Variants in GLT1D1 observed in about 807,000 individuals in gnomAD.
The protein encoded by GLT1D1 is glycosyltransferase 1 domain containing 1, also known as glycosyltransferase 1 domain-containing protein 1.
Under a neutral mutation model 28.7 loss-of-function variants are expected in GLT1D1, and 21 were observed. The observed-to-expected ratio is 0.73, with a 90% CI of 0.52 to 1.05. The LOEUF is 1.05. Among genes scored for constraint, GLT1D1 ranks in the 50% least tolerant of loss-of-function variants. GLT1D1 has a pLI of 0.00. For missense variants in GLT1D1, 343 were observed against 330.6 expected (o/e 1.04, Z -0.29); for synonymous variants, 147 against 124.8 (o/e 1.18, Z -1.19).
chr12:128,937,942 G>A (rs771906573), intron 4 of GLT1D1, among the ~76,000 whole-genome samples: 4 of 152,184 alleles, frequency 2.6e-5, no homozygotes, highest in Non-Finnish European at 4.4e-5. Context: ...TTAACAGTGC[G>A]AGAACAGACG....
chr12:128,908,356 C>A (rs535484809), intron 4 of GLT1D1, among the ~76,000 whole-genome samples: 1 of 43,696 alleles, frequency 2.3e-5, no homozygotes, highest in Admixed American at 3.5e-4. Flanking sequence ...CCCTTTCTTT[C>A]TTTCTTTTCT....
intron 5 of GLT1D1, among the ~76,000 whole-genome samples, chr12:128,946,820 T>C (rs1876165490): frequency 6.6e-6 from 1 of 151,700 alleles, no homozygotes; most frequent in Non-Finnish European, 1.5e-5. Context: ...GGCTAATATT[T>C]GTATTTTTAG....
intron 3 of GLT1D1, among the ~76,000 whole-genome samples, chr12:128,895,549 TG>T (rs986667807): frequency 2.0e-5 from 3 of 151,454 alleles, no homozygotes; most frequent in African/African-American, 7.3e-5. Context: ...CTCCGCCTCC[TG>T]GGTTCAAGCT....
At chr12:128,946,925 A>G (rs1038588570) in intron 5 of GLT1D1, among the ~76,000 whole-genome samples, 3 of 152,152 alleles carry the variant, frequency 2.0e-5, no homozygotes, top group Non-Finnish European at 4.4e-5. Flanking sequence ...CTGGGATTAC[A>G]GGTGTGAGCC....
At chr12:128,919,660 T>G (rs11608720) in intron 4 of GLT1D1, among the ~76,000 whole-genome samples, 9,319 of 152,336 alleles carry the variant, frequency 0.061, 330 homozygotes, top group Middle Eastern at 0.1. Flanking sequence ...TGTAATTTTT[T>G]CACACGATAT....
At chr12:128,928,343 A>G (rs1310385885) in intron 4 of GLT1D1, among the ~76,000 whole-genome samples, 1 of 152,070 alleles carries the variant, frequency 6.6e-6, no homozygotes, top group Non-Finnish European at 1.5e-5. Context: ...GGAGCCCCTG[A>G]GAGCCACTTG....
At chr12:128,942,598 A>G (rs1390153126) in intron 4 of GLT1D1, among the ~76,000 whole-genome samples, 1 of 152,096 alleles carries the variant, frequency 6.6e-6, no homozygotes, top group Non-Finnish European at 1.5e-5. Context: ...CCAAGTAAAG[A>G]GTAAATACGC....
chr12:128,930,693 G>T (rs1873766968), intron 4 of GLT1D1, among the ~76,000 whole-genome samples: 1 of 152,182 alleles, frequency 6.6e-6, no homozygotes, highest in Admixed American at 6.6e-5. Flanking sequence ...AAACGCAGGG[G>T]CACACAGATA....
At chr12:128,881,832 A>G (rs76282038) in intron 2 of GLT1D1, among the ~76,000 whole-genome samples, 8,066 of 151,632 alleles carry the variant, frequency 0.053, 298 homozygotes, top group Middle Eastern at 0.12. Context: ...ATTTTACAAT[A>G]TGTTAGAAAT....
At chr12:128,910,887 A>G (rs1277733153) in intron 4 of GLT1D1, among the ~76,000 whole-genome samples, 3 of 152,124 alleles carry the variant, frequency 2.0e-5, no homozygotes, top group Admixed American at 2.0e-4. Flanking sequence ...TGCTAAGGAC[A>G]AAACCAACAC....
chr12:128,922,804 T>C (rs2135908374), intron 4 of GLT1D1, among the ~76,000 whole-genome samples: 1 of 151,786 alleles, frequency 6.6e-6, no homozygotes, highest in East Asian at 1.9e-4. Flanking sequence ...GTGCCTGTAG[T>C]CTCAGCTACT....
At chr12:128,862,774 G>A (rs909781963) in intron 1 of GLT1D1, among the ~76,000 whole-genome samples, 5 of 152,224 alleles carry the variant, frequency 3.3e-5, no homozygotes, top group Non-Finnish European at 7.3e-5. Flanking sequence ...GGAGGCAGCC[G>A]CTCAACCACA....
At chr12:128,949,419 T>G (rs755464655) in intron 6 of GLT1D1, among the ~76,000 whole-genome samples, 1 of 152,208 alleles carries the variant, frequency 6.6e-6, no homozygotes, top group Non-Finnish European at 1.5e-5. Flanking sequence ...AAGGGTGCAT[T>G]TCATTAGAAT....
At chr12:128,904,171 ACT>A (rs1870596274) in intron 4 of GLT1D1, among the ~76,000 whole-genome samples, 1 of 151,742 alleles carries the variant, frequency 6.6e-6, no homozygotes, top group African/African-American at 2.4e-5. Flanking sequence ...ACACACCTAC[ACT>A]CACACACACA....
At chr12:128,887,037 A>G (rs1181930934) in intron 2 of GLT1D1, among the ~76,000 whole-genome samples, 2 of 148,170 alleles carry the variant, frequency 1.3e-5, no homozygotes, top group African/African-American at 5.0e-5. Context: ...TTTGAGGCGG[A>G]GTCTCGCTCT....
intron 4 of GLT1D1, among the ~76,000 whole-genome samples, chr12:128,905,828 G>GTT (rs34356463): frequency 3.8e-4 from 56 of 146,918 alleles, no homozygotes; most frequent in Admixed American, 2.1e-3. Context: ...TCTTTTAAGT[G>GTT]TTTTTTTTTT....
chr12:128,981,959 A>G (rs116075882), intron 7 of GLT1D1, among the ~76,000 whole-genome samples: 1,679 of 152,252 alleles, frequency 0.011, 32 homozygotes, highest in African/African-American at 0.039. Context: ...TGACTTACAC[A>G]CGCGCATGGA....
At chr12:128,870,352 C>T (rs767370026) in intron 1 of GLT1D1, among the ~76,000 whole-genome samples, 12 of 152,144 alleles carry the variant, frequency 7.9e-5, no homozygotes, top group South Asian at 2.1e-4. Context: ...GGTTGCTGGC[C>T]GGGGAGCCAC....
intron 2 of GLT1D1, among the ~76,000 whole-genome samples, chr12:128,879,621 T>C (rs1956989780): frequency 6.6e-6 from 1 of 151,928 alleles, no homozygotes; most frequent in Non-Finnish European, 1.5e-5. Flanking sequence ...CATGCCCAGC[T>C]ACTTTTTGTG....
Sources: gnomAD v4.1 joint callset for allele counts (sites outside exome capture counted in the v4.1 genomes callset) on GRCh38, gnomAD v4.1.1 for gene constraint, MANE v1.5 for transcripts, NCBI Gene and HGNC (gene_info 2026-07-23, HGNC 2026-07-21) for gene names.